Variants in TRIM37 observed in about 807,000 individuals in gnomAD.
TRIM37 encodes E3 ubiquitin-protein ligase TRIM37.
TRIM37 carries 80 observed loss-of-function variants against 129.8 expected under a neutral mutation model. The ratio of observed to expected loss-of-function variants is 0.62; its 90% confidence interval spans 0.51 to 0.74. TRIM37 has a LOEUF of 0.74. TRIM37 is among the 30% of genes least tolerant of loss of function. The pLI is 0.00. For missense variants in TRIM37, 1,054 were observed against 1,176.5 expected, an observed-to-expected ratio of 0.90 and a Z score of 1.52; for synonymous variants, 389 against 387.1, an observed-to-expected ratio of 1.00 and a Z score of -0.06.
chr17:59,054,889 C>CAGGA (rs2040688158), intron 13 of TRIM37, among the ~76,000 whole-genome samples: 1 of 151,670 alleles, frequency 6.6e-6, no homozygotes, highest in Non-Finnish European at 1.5e-5. Context: ...TGCTCTCAAA[C>CAGGA]TCCTGAGCCC....
intron 16 of TRIM37, among the ~76,000 whole-genome samples, chr17:59,042,479 A>G (rs1273192274): frequency 9.2e-6 from 1 of 108,702 alleles, no homozygotes; most frequent in Admixed American, 9.6e-5. Context: ...TATATATCTC[A>G]AGGCCGGGCG....
chr17:59,015,213 G>GT (rs2035769442), intron 21 of TRIM37, among the ~76,000 whole-genome samples: 1 of 152,068 alleles, frequency 6.6e-6, no homozygotes, highest in Non-Finnish European at 1.5e-5. Context: ...TGAGGTGGGC[G>GT]TATCACTTGA....
intron 19 of TRIM37, among the ~76,000 whole-genome samples, chr17:59,018,722 GTTTT>G (rs202036450): frequency 2.9e-5 from 4 of 140,304 alleles, no homozygotes; most frequent in Admixed American, 1.4e-4. Flanking sequence ...TAGTAGCTGT[GTTTT>G]TTTTTTTTTG....
At chr17:58,983,007 T>G in intron 24 of TRIM37, 2 of 1,259,968 alleles carry the variant, frequency 1.6e-6, no homozygotes, top group African/African-American at 1.5e-5. Context: ...AAAAGCTTTT[T>G]AAAATTTCTA....
downstream of TRIM37, among the ~76,000 whole-genome samples, chr17:58,997,699 C>T (rs1195421481): frequency 6.6e-6 from 1 of 151,856 alleles, no homozygotes; most frequent in East Asian, 1.9e-4. Context: ...GACTGTTCTT[C>T]AGCAAAAAAG....
At chr17:59,030,684 A>G (rs1250559568) in intron 18 of TRIM37, among the ~76,000 whole-genome samples, 1 of 152,240 alleles carries the variant, frequency 6.6e-6, no homozygotes, top group Non-Finnish European at 1.5e-5. Context: ...TTACTTGTCT[A>G]TAAAATATAC....
At chr17:59,084,159 G>T in intron 4 of TRIM37, 70 bp from the exon 5 acceptor site, 2 of 1,237,538 alleles carry the variant, frequency 1.6e-6, no homozygotes, top group Non-Finnish European at 2.3e-6. Flanking sequence ...AAATTCTTAA[G>T]CTTGGGCAAA....
At chr17:59,059,852 T>C (rs961930216) in intron 12 of TRIM37, among the ~76,000 whole-genome samples, 1 of 152,218 alleles carries the variant, frequency 6.6e-6, no homozygotes, top group Admixed American at 6.5e-5. Context: ...CTTAGTGTTA[T>C]ACCCAATCAG....
chr17:59,081,292 A>G (rs759644300), intron 5 of TRIM37, 73 bp from the exon 6 acceptor site: 102 of 1,574,324 alleles, frequency 6.5e-5, no homozygotes, highest in Middle Eastern at 5.1e-4. Context: ...GTAACACTCT[A>G]TGGACACTAA....
intron 4 of TRIM37, 154 bp downstream of exon 4, chr17:59,088,137 C>A: frequency 1.6e-6 from 1 of 640,736 alleles, no homozygotes; most frequent in South Asian, 1.8e-5. Context: ...GAATATGTTA[C>A]TTAACAGTAA....
At chr17:59,101,693 T>TAC (rs752142449) in intron 2 of TRIM37, among the ~76,000 whole-genome samples, 274 of 118,554 alleles carry the variant, frequency 2.3e-3, no homozygotes, top group Non-Finnish European at 3.6e-3. Context: ...TATATATATA[T>TAC]ATACACACAC....
chr17:59,010,111 T>A (rs1213639214), intron 22 of TRIM37, among the ~76,000 whole-genome samples: 1 of 152,224 alleles, frequency 6.6e-6, no homozygotes, highest in Non-Finnish European at 1.5e-5. Context: ...TTTCTATTAA[T>A]AACTGTGGCC....
chr17:59,093,809 T>G (rs1020818422), intron 2 of TRIM37, among the ~76,000 whole-genome samples: 1 of 152,238 alleles, frequency 6.6e-6, no homozygotes, highest in Non-Finnish European at 1.5e-5. Flanking sequence ...ATCATGTCCA[T>G]AAAATTTCCT....
At chr17:59,078,578 C>T (rs932714671) in intron 7 of TRIM37, among the ~76,000 whole-genome samples, 5 of 152,136 alleles carry the variant, frequency 3.3e-5, no homozygotes, top group Admixed American at 1.3e-4. Flanking sequence ...AGTCCTAATA[C>T]GTATCAACAT....
chr17:59,042,805 TA>T (rs961199660), intron 16 of TRIM37, among the ~76,000 whole-genome samples: 3 of 148,668 alleles, frequency 2.0e-5, no homozygotes, highest in Non-Finnish European at 4.5e-5. Flanking sequence ...AAAGGAAGAT[TA>T]AAAAAAAAGA....
chr17:59,003,922 TAAAAAAAAAAA>T (rs60843441), intron 22 of TRIM37, among the ~76,000 whole-genome samples: 3 of 89,580 alleles, frequency 3.3e-5, no homozygotes, highest in Non-Finnish European at 6.5e-5. Context: ...CCCATCTCTA[TAAAAAAAAAAA>T]AAAAAAAAAA....
intron 18 of TRIM37, among the ~76,000 whole-genome samples, chr17:59,031,171 G>C (rs2037803094): frequency 6.6e-6 from 1 of 152,054 alleles, no homozygotes; most frequent in African/African-American, 2.4e-5. Context: ...GAGTTATCTT[G>C]CCTTAAAACT....
At chr17:58,989,921 C>A (rs1380642376) in intron 24 of TRIM37, among the ~76,000 whole-genome samples, 1 of 151,950 alleles carries the variant, frequency 6.6e-6, no homozygotes, top group East Asian at 1.9e-4. Context: ...TGAGGTGGGT[C>A]ACACCTGTAA....
intron 8 of TRIM37, among the ~76,000 whole-genome samples, chr17:59,072,712 C>A (rs1362075652): frequency 6.6e-6 from 1 of 150,724 alleles, no homozygotes; most frequent in African/African-American, 2.4e-5. Context: ...CACGCCACTG[C>A]ACTCCAGCGT....
Sources: allele counts gnomAD v4.1 joint callset (sites outside exome capture counted in the v4.1 genomes callset), GRCh38; gene constraint gnomAD v4.1.1; transcripts MANE v1.5; gene names NCBI Gene and HGNC (gene_info 2026-07-23, HGNC 2026-07-21).